Variants in WDFY3 observed in about 807,000 individuals in gnomAD.
WDFY3 encodes WD repeat and FYVE domain containing 3.
In WDFY3, 66 loss-of-function variants were observed where a neutral mutation model predicts 409.6. The ratio of observed to expected loss-of-function variants is 0.16; its 90% CI spans 0.13 to 0.20. The LOEUF (loss-of-function observed/expected upper bound fraction) is 0.20. WDFY3 is among the 10% of genes least tolerant of loss of function. The pLI, the probability that WDFY3 is intolerant of heterozygous loss-of-function variation, is 1.00. For missense variants in WDFY3, 3,031 were observed against 4,298.1 expected (o/e 0.71, Z 8.24); for synonymous variants, 1,521 against 1,537.1 (o/e 0.99, Z 0.25).
chr4:84,704,334 T>G lies in WDFY3; in HGVS notation c.8442+4A>C, dbSNP rs772059324. 11 of 1,585,360 alleles carry G rather than the reference T, an allele frequency of 6.9e-6. No individual in the cohort carries two copies. The East Asian group carries it at 2.5e-4, about 36-fold the overall frequency. ...ATAGAAAAACCCCAAATTTAAAGTT[T>G]TACCTGTAGCCTTAAGAATATCTGT... On this transcript the variant is annotated splice_donor_region_variant and intron_variant, in intron 55 of 67. Coordinates refer to ENST00000295888, the MANE Select transcript of WDFY3 (RefSeq NM_014991.6).
intron 24 of WDFY3, 68 bp downstream of exon 24, chr4:84,785,911 A>G (rs1747464535): frequency 6.4e-7 from 1 of 1,554,378 alleles, no homozygotes; most frequent in Non-Finnish European, 8.8e-7. Context: ...AGTAGTATCC[A>G]TATGAGACTC....
At chr4:84,895,288 G>A (rs1218105209) in intron 3 of WDFY3, among the ~76,000 whole-genome samples, 1 of 152,168 alleles carries the variant, frequency 6.6e-6, no homozygotes, top group African/African-American at 2.4e-5. Context: ...GAAGCAATGT[G>A]ATAAGTATTA....
chr4:84,731,641 T>G (rs1249120393), intron 44 of WDFY3, among the ~76,000 whole-genome samples: 1 of 152,202 alleles, frequency 6.6e-6, no homozygotes, highest in East Asian at 1.9e-4. Flanking sequence ...ATTTCACAGG[T>G]TGGTGAATTC....
chr4:84,895,487 G>C (rs1765513318), intron 3 of WDFY3, among the ~76,000 whole-genome samples: 1 of 152,154 alleles, frequency 6.6e-6, no homozygotes, highest in African/African-American at 2.4e-5. Context: ...ATACGCTGCT[G>C]GGTTGGCCAA....
chr4:84,781,731 G>A (rs556692697), intron 25 of WDFY3, among the ~76,000 whole-genome samples: 17 of 152,242 alleles, frequency 1.1e-4, no homozygotes, highest in Admixed American at 9.8e-4. Flanking sequence ...ACTGCTCACT[G>A]CTCTTTCCAC....
intron 5 of WDFY3, 89 bp downstream of exon 5, chr4:84,849,813 G>A: frequency 1.3e-6 from 2 of 1,537,156 alleles, no homozygotes; most frequent in South Asian, 2.4e-5. Flanking sequence ...TGAGAACAAG[G>A]TCTGTTTTCC....
At chr4:84,890,800 T>C (rs1376003818) in intron 3 of WDFY3, among the ~76,000 whole-genome samples, 1 of 152,160 alleles carries the variant, frequency 6.6e-6, no homozygotes, top group African/African-American at 2.4e-5. Context: ...ATACTGACAT[T>C]TGAATTTCAC....
intron 36 of WDFY3, chr4:84,751,247 C>A (rs1207647125): frequency 5.4e-6 from 3 of 556,390 alleles, no homozygotes; most frequent in Non-Finnish European, 9.6e-6. Flanking sequence ...TTCGCCAGCT[C>A]TTAGAGAAAG....
intron 17 of WDFY3, among the ~76,000 whole-genome samples, chr4:84,799,253 C>T (rs1391465863): frequency 6.6e-6 from 1 of 151,918 alleles, no homozygotes; most frequent in African/African-American, 2.4e-5. Context: ...AACTCTTGGG[C>T]CCAAGAGATC....
chr4:84,815,994 A>G (rs989698481), intron 13 of WDFY3, among the ~76,000 whole-genome samples: 1 of 152,066 alleles, frequency 6.6e-6, no homozygotes, highest in African/African-American at 2.4e-5. Flanking sequence ...TTTGACTATA[A>G]GTAAGAGTTT....
At chr4:84,756,883 T>A in intron 33 of WDFY3, 43 bp downstream of exon 33, 1 of 1,570,654 alleles carries the variant, frequency 6.4e-7, no homozygotes. Context: ...GGTGATTCTT[T>A]GGAATACGTA....
chr4:84,922,098 T>C (rs913262453), intron 2 of WDFY3, among the ~76,000 whole-genome samples: 49 of 152,086 alleles, frequency 3.2e-4, no homozygotes, highest in African/African-American at 1.2e-3. Context: ...ATCCGGATTC[T>C]AGTATTCTAC....
Position 84,682,438 on chromosome 4 carries a change from T to G in WDFY3, c.9759A>C (p.Glu3253Asp). The change falls in exon 64 of 68, where the codon GAA (glutamate) becomes GAC (aspartate). Residue 3253 changes from glutamate to aspartate, a missense_variant. This residue lies in a region of WDFY3 where 378 missense variants were observed against 477.3 expected (regional missense o/e 0.79). Transcript: ENST00000295888. ...CTTCAGCAGGCTCAGGAGCTGGTGT[T>G]TCAGGAACTTGCAAAAATTCCATTC... Reference protein sequence around the residue: ...FWRMEFLQVPETPAPEPAEVL... With the variant: ...FWRMEFLQVPDTPAPEPAEVL... The G allele has an allele frequency of 6.2e-7, 1 of 1,613,832 alleles. No homozygotes were observed. Among genetic ancestry groups the G allele is most frequent in the Non-Finnish European group, 8.5e-7 (1 of 1,180,010 alleles).
In WDFY3 at chr4:84,963,573, A is replaced by G. The variant is rs548579553; in HGVS notation, c.-226+2636T>C. ...GTGTGATTTCAGACTAGCATCATTA[A>G]CAGAGGTTAGTATCATTAAGATCTC... On this transcript the variant is annotated intron_variant, in intron 1 of 67. Transcript: ENST00000295888. 1.1e-3 allele frequency among the ~76,000 whole-genome samples: 165 copies of G among 152,346 alleles called. 2 individuals are homozygous for G. The highest frequency in any genetic ancestry group is 3.7e-3 in the African/African-American group (154 of 41,588).
At chr4:84,682,222 C>T (rs983307730) in intron 64 of WDFY3, 152 bp downstream of exon 64, 1 of 656,184 alleles carries the variant, frequency 1.5e-6, no homozygotes, top group East Asian at 2.8e-5. Flanking sequence ...TGCATGTCTG[C>T]TCAAAGGAAT....
rs753131487 is a variant in WDFY3 at position 84,751,572 on chromosome 4, C to T, written c.5884G>A (p.Val1962Ile). 11 of 1,614,124 alleles carry T rather than the reference C, an allele frequency of 6.8e-6. 1 individual carries two copies. The highest frequency in any genetic ancestry group is 2.7e-5 in the African/African-American group (2 of 75,020). ...YLTNHPAKKF[V>I]FDFMRVLIID... ...ATTAAGACCCGCATGAAGTCAAAAACGAACTTTTTAGCCGGGTGATTGGTC... is the reference window on the plus strand; with the variant it reads ...ATTAAGACCCGCATGAAGTCAAAAATGAACTTTTTAGCCGGGTGATTGGTC... The change falls in exon 36 of 68, where the codon GTT (valine) becomes ATT (isoleucine). Residue 1962 changes from valine (V) to isoleucine (I), a missense_variant. Physicochemically the swap from Val to Ile is conservative, Grantham distance 29. Coordinates refer to ENST00000295888, the MANE Select transcript of WDFY3 (RefSeq NM_014991.6).
rs759569387 is a variant in WDFY3, at chr4:84,918,815, GTATA to G, written c.-132+13451_-132+13454del. On this transcript the variant is annotated intron_variant, in intron 2 of 67. Transcript: ENST00000295888. Reference sequence around the variant, plus strand: ...CACATGCGCATATTTGTGTGTGTGTGTATATATATATAGATATATATATACACAC... The same window carrying G: ...CACATGCGCATATTTGTGTGTGTGTGTATATATAGATATATATATACACAC... Among the ~76,000 whole-genome samples the G allele has an allele frequency of 9.7e-4, 134 of 138,416 alleles. 1 individual carries two copies. Among genetic ancestry groups the G allele is most frequent in the Admixed American group, 8.3e-4 (11 of 13,244 alleles). The allele number at this position is 138,416 out of a possible 152,430, so 90.8% of individuals were successfully genotyped here. A position where few individuals can be genotyped will look rare whatever the true frequency, so the allele number is the denominator to read the frequency against.
Position 84,786,138 on chromosome 4 carries a change from A to G in WDFY3, c.3903T>C (p.Cys1301=), listed in dbSNP as rs770224667. 1 of 1,594,612 alleles carries G rather than the reference A, an allele frequency of 6.3e-7. No individual in the cohort carries two copies. The highest frequency in any genetic ancestry group is 1.1e-5 in the South Asian group (1 of 87,688). The change falls in exon 24 of 68, where the codon TGT becomes TGC. Residue 1301 remains cysteine, a splice_region_variant and synonymous_variant. Coordinates refer to ENST00000295888, the MANE Select transcript of WDFY3 (RefSeq NM_014991.6). ...CCACCCCTTCGGATTTTGCATCTTT[A>G]CCTTCAAAAGAAGAATAATTCTTTT... ...VGSFQAVCMP[C]KDAKSEGVVP...
intron 49 of WDFY3, 119 bp downstream of exon 49, chr4:84,716,777 C>A (rs375909809): frequency 2.4e-6 from 2 of 820,856 alleles, no homozygotes; most frequent in East Asian, 5.5e-5. Flanking sequence ...CCAGCCTGGG[C>A]GACAGAGTGA....
Sources: allele counts gnomAD v4.1 joint callset (sites outside exome capture counted in the v4.1 genomes callset), GRCh38; gene constraint gnomAD v4.1.1; regional missense constraint gnomAD v4.1.1; transcripts MANE v1.5; gene names NCBI Gene and HGNC (gene_info 2026-07-23, HGNC 2026-07-21).